Variants in MARCHF1 observed in about 807,000 individuals in gnomAD.
MARCHF1 encodes the protein membrane associated ring-CH-type finger 1.
MARCHF1 carries 40 observed loss-of-function variants against 54.2 expected under a neutral mutation model. The ratio of observed to expected loss-of-function variants is 0.74; its 90% confidence interval spans 0.57 to 0.96. The LOEUF is 0.96. Ranked by LOEUF, MARCHF1 falls within the 40% of genes least tolerant of loss-of-function variation. MARCHF1 has a pLI of 0.00. For missense variants in MARCHF1, 586 were observed against 656.5 expected (o/e 0.89, Z 1.17); for synonymous variants, 236 against 236.3 (o/e 1.00, Z 0.01).
At chr4:163,533,610 ACTCT>A (rs1469395977) in intron 9 of MARCHF1, among the ~76,000 whole-genome samples, 1 of 149,832 alleles carries the variant, frequency 6.7e-6, no homozygotes, top group Non-Finnish European at 1.5e-5. Context: ...GTATGTGGGA[ACTCT>A]CTCTTTACCT....
At chr4:163,560,861 T>C (rs1739445417) in intron 8 of MARCHF1, among the ~76,000 whole-genome samples, 1 of 152,314 alleles carries the variant, frequency 6.6e-6, no homozygotes, top group African/African-American at 2.4e-5. Flanking sequence ...TTTTATATAT[T>C]GAGCTTACAT....
chr4:164,370,462 T>G lies in MARCHF1; in HGVS notation c.-323+13408A>C, dbSNP rs542793406. ...AGAGGAATTAATTCCCTTACCATAC[T>G]CTCTCACCAGTCTCCTGGTAGTGTC... On this transcript the variant is annotated intron_variant, in intron 1 of 9. Transcript: ENST00000514618. 3.9e-5 allele frequency among the ~76,000 whole-genome samples: 6 copies of G among 152,310 alleles called. No individual in the cohort carries two copies. The East Asian group carries it at 1.2e-3, about 29-fold the overall frequency.
intron 3 of MARCHF1, among the ~76,000 whole-genome samples, chr4:163,877,958 T>G (rs1270640274): frequency 6.6e-6 from 1 of 152,148 alleles, no homozygotes; most frequent in South Asian, 2.1e-4. Context: ...AAGCAGAGGA[T>G]AGAGAGAGGG....
At chr4:163,980,898 A>G (rs1411725145) in intron 3 of MARCHF1, among the ~76,000 whole-genome samples, 2 of 152,266 alleles carry the variant, frequency 1.3e-5, no homozygotes, top group Non-Finnish European at 2.9e-5. Context: ...CTATAGATCT[A>G]AGTCTGTACA....
chr4:163,574,874 G>T (rs1715657399), intron 8 of MARCHF1, among the ~76,000 whole-genome samples: 1 of 151,272 alleles, frequency 6.6e-6, no homozygotes, highest in African/African-American at 2.4e-5. Context: ...AGCTTGATGG[G>T]GATGGCATTG....
At chr4:164,293,577 A>G (rs1418394696) in intron 1 of MARCHF1, among the ~76,000 whole-genome samples, 2 of 152,234 alleles carry the variant, frequency 1.3e-5, no homozygotes, top group Non-Finnish European at 2.9e-5. Flanking sequence ...TTCTTTTAAT[A>G]CAATGATATT....
intron 1 of MARCHF1, among the ~76,000 whole-genome samples, chr4:164,265,876 T>G (rs1348638015): frequency 6.6e-6 from 1 of 152,192 alleles, no homozygotes; most frequent in African/African-American, 2.4e-5. Flanking sequence ...CTTCCCTAAC[T>G]GCCTCCCTTC....
At chr4:164,306,895 C>A (rs535908312) in intron 1 of MARCHF1, among the ~76,000 whole-genome samples, 125 of 152,258 alleles carry the variant, frequency 8.2e-4, no homozygotes, top group Non-Finnish European at 1.5e-3. Flanking sequence ...ACATCTCTTC[C>A]TTACATATTT....
chr4:163,554,224 T>C (rs1308415883), intron 8 of MARCHF1, among the ~76,000 whole-genome samples: 1 of 152,244 alleles, frequency 6.6e-6, no homozygotes, highest in Non-Finnish European at 1.5e-5. Context: ...AAGAGATATA[T>C]ATTGTACTGA....
intron 1 of MARCHF1, among the ~76,000 whole-genome samples, chr4:164,201,174 G>A (rs755642926): frequency 1.3e-5 from 2 of 151,928 alleles, no homozygotes; most frequent in African/African-American, 2.4e-5. Flanking sequence ...TTCTGAACAC[G>A]AAATCTGACA....
chr4:164,039,499 TAC>T (rs1422436146), intron 2 of MARCHF1, among the ~76,000 whole-genome samples: 1 of 152,186 alleles, frequency 6.6e-6, no homozygotes, highest in Non-Finnish European at 1.5e-5. Context: ...CTCATGCAAT[TAC>T]AGTTAAGAAC....
intron 2 of MARCHF1, among the ~76,000 whole-genome samples, chr4:164,089,875 C>T (rs911591673): frequency 1.6e-4 from 24 of 151,808 alleles, no homozygotes; most frequent in Non-Finnish European, 4.4e-5. Context: ...CTTTCTCAAG[C>T]TTTTTTATTT....
At chr4:164,264,995 T>C (rs577015668) in intron 1 of MARCHF1, among the ~76,000 whole-genome samples, 18 of 152,208 alleles carry the variant, frequency 1.2e-4, no homozygotes, top group African/African-American at 4.3e-4. Context: ...TGTAGAAGTA[T>C]TCCTAATTAT....
intron 4 of MARCHF1, among the ~76,000 whole-genome samples, chr4:163,711,812 A>G (rs1428520340): frequency 6.6e-6 from 1 of 152,124 alleles, no homozygotes; most frequent in African/African-American, 2.4e-5. Flanking sequence ...GCTCATACTC[A>G]TTGCAAATTG....
chr4:163,843,107 A>G (rs1560783380), intron 4 of MARCHF1, among the ~76,000 whole-genome samples: 2 of 152,286 alleles, frequency 1.3e-5, no homozygotes, highest in East Asian at 1.9e-4. Flanking sequence ...ATATGTGTGA[A>G]TATGCAGTAT....
intron 2 of MARCHF1, among the ~76,000 whole-genome samples, chr4:164,098,501 T>C (rs543891481): frequency 5.3e-5 from 8 of 152,336 alleles, no homozygotes; most frequent in Non-Finnish European, 1.2e-4. Flanking sequence ...GTTGAGTTCA[T>C]GGTGTACTTC....
intron 4 of MARCHF1, among the ~76,000 whole-genome samples, chr4:163,750,882 A>C (rs187263531): frequency 6.6e-6 from 1 of 152,312 alleles, no homozygotes; most frequent in Admixed American, 6.5e-5. Flanking sequence ...ATTTTAAAAA[A>C]TTTATGTTTT....
At chr4:164,245,048 A>G (rs892150850) in intron 1 of MARCHF1, among the ~76,000 whole-genome samples, 38 of 152,344 alleles carry the variant, frequency 2.5e-4, no homozygotes, top group African/African-American at 8.9e-4. Context: ...AACTGGTACC[A>G]TTCCTTCTGA....
chr4:164,054,890 G>A lies in MARCHF1; in HGVS notation c.-248+56698C>T, dbSNP rs192146713. ...ACATGTATACATATGTAACTAACAT[G>A]CACAATGTGCACATGTACCCTAAAA... On this transcript the variant is annotated intron_variant, in intron 2 of 9. Transcript: ENST00000514618. Among the ~76,000 whole-genome samples, 513 of 151,584 alleles carry A rather than the reference G, an allele frequency of 3.4e-3. 3 individuals carry two copies. The highest frequency in any genetic ancestry group is 0.012 in the African/African-American group (478 of 41,300).
Sources: gnomAD v4.1 joint callset for allele counts (sites outside exome capture counted in the v4.1 genomes callset) on GRCh38, gnomAD v4.1.1 for gene constraint, MANE v1.5 for transcripts, NCBI Gene and HGNC (gene_info 2026-07-23, HGNC 2026-07-21) for gene names.